The following YPEL2 variants were observed in gnomAD, a reference collection of about 807,000 sequenced individuals.
The protein encoded by YPEL2 is yippee like 2.
A neutral mutation model predicts 19.1 loss-of-function variants in YPEL2; 2 were observed. That is an observed-to-expected ratio of 0.10 (90% CI 0.04 to 0.33). YPEL2 has a LOEUF of 0.33. YPEL2 is among the 10% of genes least tolerant of loss of function. YPEL2 has a pLI of 1.00. For missense variants in YPEL2, 66 were observed against 140.7 expected, an observed-to-expected ratio of 0.47 and a Z score of 2.68; for synonymous variants, 52 against 50.0, an observed-to-expected ratio of 1.04 and a Z score of -0.17.
intron 2 of YPEL2, among the ~76,000 whole-genome samples, chr17:59,383,589 A>G: frequency 2.2e-5 from 1 of 45,250 alleles, no homozygotes; most frequent in Non-Finnish European, 3.8e-5. Context: ...AAAAAAAAAA[A>G]AAAAAAAAAA....
chr17:59,384,802 G>A (rs1234427517), intron 2 of YPEL2, among the ~76,000 whole-genome samples: 1 of 152,202 alleles, frequency 6.6e-6, no homozygotes, highest in Non-Finnish European at 1.5e-5. Flanking sequence ...TTCTAATTGT[G>A]TCTGGCAGAG....
intron 4 of YPEL2, among the ~76,000 whole-genome samples, chr17:59,393,568 T>C (rs1317341175): frequency 2.7e-5 from 4 of 148,088 alleles, no homozygotes; most frequent in African/African-American, 1.0e-4. Context: ...CAGAGGGGGA[T>C]TTGGCAGGGT....
intron 2 of YPEL2, among the ~76,000 whole-genome samples, chr17:59,384,961 G>A (rs1430653702): frequency 2.6e-5 from 4 of 152,090 alleles, no homozygotes; most frequent in South Asian, 2.1e-4. Flanking sequence ...TCTAAGCTCC[G>A]AACTTGAAGG....
Position 59,376,801 on chromosome 17 carries a change from TAGTC to T in YPEL2, c.118-11523_118-11520del, listed in dbSNP as rs369739148. Among the ~76,000 whole-genome samples the T allele has an allele frequency of 3.1e-4, 47 of 151,818 alleles. 1 individual carries two copies. The East Asian group carries it at 6.6e-3, about 21-fold the overall frequency. ...ACTGTAGTGATTGCTTATTAGAAAA[TAGTC>T]AGGCGTGGTGGTGGGCGCCTGTACT... On this transcript the variant is annotated intron_variant, in intron 2 of 4. Coordinates refer to ENST00000312655, the MANE Select transcript of YPEL2 (RefSeq NM_001005404.4).
chr17:59,346,783 C>T (rs1328037405), intron 1 of YPEL2, among the ~76,000 whole-genome samples: 3 of 152,048 alleles, frequency 2.0e-5, no homozygotes, highest in Non-Finnish European at 4.4e-5. Flanking sequence ...GGCCACTAAG[C>T]CCGGTGTTGA....
chr17:59,388,938 C>T lies in YPEL2; in HGVS notation c.162-422C>T. On this transcript the variant is annotated intron_variant, in intron 3 of 4. Transcript: ENST00000312655. Reference sequence around the variant, plus strand: ...TAGAGCCTATTCAGCACCCAGGGATCACTCATTCCTGTATCAGGACCACAC... The same window carrying T: ...TAGAGCCTATTCAGCACCCAGGGATTACTCATTCCTGTATCAGGACCACAC... 2 of 208,842 alleles carry T rather than the reference C, an allele frequency of 9.6e-6. 1 individual carries two copies. Among genetic ancestry groups the T allele is most frequent in the South Asian group, 2.0e-4 (2 of 10,078 alleles). The allele number at this position is 208,842 out of a possible 1,614,324, so 12.9% of individuals were successfully genotyped here. A position where few individuals can be genotyped will look rare whatever the true frequency, so the allele number is the denominator to read the frequency against.
chr17:59,334,564 A>T (rs1380681552), intron 1 of YPEL2, among the ~76,000 whole-genome samples: 1 of 120,574 alleles, frequency 8.3e-6, no homozygotes, highest in African/African-American at 3.3e-5. Context: ...ATCTGCCTTC[A>T]GGCACAAACA....
intron 1 of YPEL2, among the ~76,000 whole-genome samples, chr17:59,351,730 A>T (rs1049623351): frequency 6.6e-6 from 1 of 152,214 alleles, no homozygotes; most frequent in Non-Finnish European, 1.5e-5. Context: ...AGCAGGGGCG[A>T]CATCATACAT....
chr17:59,387,131 A>C (rs2047984133), intron 2 of YPEL2, among the ~76,000 whole-genome samples: 1 of 151,760 alleles, frequency 6.6e-6, no homozygotes, highest in Non-Finnish European at 1.5e-5. Flanking sequence ...GTTGTGGTGC[A>C]CACCTGTGGT....
intron 1 of YPEL2, among the ~76,000 whole-genome samples, chr17:59,336,949 G>A (rs2047701586): frequency 1.3e-5 from 2 of 152,156 alleles, no homozygotes; most frequent in Non-Finnish European, 1.5e-5. Flanking sequence ...CTGCTCCTGT[G>A]GCGATTCTTG....
At chr17:59,337,124 T>C (rs933855854) in intron 1 of YPEL2, among the ~76,000 whole-genome samples, 1 of 152,166 alleles carries the variant, frequency 6.6e-6, no homozygotes, top group African/African-American at 2.4e-5. Flanking sequence ...TAAGGGTTTA[T>C]ATTGTTGAAG....
intron 2 of YPEL2, among the ~76,000 whole-genome samples, chr17:59,366,545 C>G (rs186971343): frequency 2.6e-5 from 4 of 152,152 alleles, no homozygotes; most frequent in African/African-American, 9.7e-5. Context: ...CTAGCCCAGC[C>G]GAGTCGGGCA....
At chr17:59,348,109 G>C (rs1321396780) in intron 1 of YPEL2, among the ~76,000 whole-genome samples, 2 of 152,178 alleles carry the variant, frequency 1.3e-5, no homozygotes, top group African/African-American at 4.8e-5. Flanking sequence ...GGGTCAGAGT[G>C]GTTTCGTAAC....
chr17:59,393,489 A>T (rs1179471477), intron 4 of YPEL2, among the ~76,000 whole-genome samples: 8 of 143,994 alleles, frequency 5.6e-5, no homozygotes, highest in South Asian at 2.2e-4. Context: ...TTTTTATTTT[A>T]TTTTATTTTT....
intron 1 of YPEL2, among the ~76,000 whole-genome samples, chr17:59,340,305 C>T (rs993146626): frequency 2.6e-5 from 4 of 151,982 alleles, no homozygotes; most frequent in African/African-American, 7.3e-5. Flanking sequence ...GACAGGGTTT[C>T]ACTACGTTGG....
chr17:59,347,067 G>A (rs147270308), intron 1 of YPEL2, among the ~76,000 whole-genome samples: 8 of 152,298 alleles, frequency 5.3e-5, no homozygotes, highest in African/African-American at 1.4e-4. Context: ...ATGCATGGGC[G>A]TTAGTGGTAA....
At chr17:59,378,411 C>T (rs1340125114) in intron 2 of YPEL2, among the ~76,000 whole-genome samples, 4 of 150,356 alleles carry the variant, frequency 2.7e-5, no homozygotes, top group African/African-American at 9.8e-5. Flanking sequence ...GTGGCGTGAT[C>T]TCAGCTCACT....
At chr17:59,369,924 C>A (rs2047888436) in intron 2 of YPEL2, among the ~76,000 whole-genome samples, 1 of 152,244 alleles carries the variant, frequency 6.6e-6, no homozygotes, top group Non-Finnish European at 1.5e-5. Context: ...ATATGTGAAT[C>A]ATGTCTTTTG....
intron 1 of YPEL2, among the ~76,000 whole-genome samples, chr17:59,334,009 C>G (rs886357401): frequency 6.6e-6 from 1 of 152,162 alleles, no homozygotes; most frequent in African/African-American, 2.4e-5. Flanking sequence ...CTAGCTTAGG[C>G]TTTGAAAAGT....
Sources: allele counts gnomAD v4.1 joint callset (sites outside exome capture counted in the v4.1 genomes callset), GRCh38; gene constraint gnomAD v4.1.1; transcripts MANE v1.5; gene names NCBI Gene and HGNC (gene_info 2026-07-23, HGNC 2026-07-21).